The following PHF24 variants were observed in gnomAD, a reference collection of about 807,000 sequenced individuals.
PHF24 encodes the protein Galpha inhibitory interacting protein.
PHF24 carries 25 observed loss-of-function variants against 42.6 expected under a neutral mutation model. That is an observed-to-expected ratio of 0.59 (90% CI 0.43 to 0.82). PHF24 has a LOEUF of 0.82. Ranked by LOEUF, PHF24 falls within the 40% of genes least tolerant of loss-of-function variation. The pLI, the probability that PHF24 is intolerant of heterozygous loss-of-function variation, is 0.00. For missense variants in PHF24, 470 were observed against 538.1 expected (o/e 0.87, Z 1.25); for synonymous variants, 185 against 204.8 (o/e 0.90, Z 0.83).
the PHF24 span, among the ~76,000 whole-genome samples, chr9:34,875,944 ACACACACTCTCTCT>A: frequency 1.3e-4 from 11 of 85,588 alleles, no homozygotes; most frequent in African/African-American, 4.1e-4. Flanking sequence ...ACACACACAC[ACACACACTCTCTCT>A]CTCTCTCTCT....
chr9:34,940,600 A>T, the PHF24 span, among the ~76,000 whole-genome samples: 1 of 152,162 alleles, frequency 6.6e-6, no homozygotes, highest in Admixed American at 6.5e-5. Flanking sequence ...AAAAAATAAA[A>T]TAAGTTCCCT....
At chr9:34,823,020 C>T in the PHF24 span, among the ~76,000 whole-genome samples, 1 of 150,958 alleles carries the variant, frequency 6.6e-6, no homozygotes, top group Non-Finnish European at 1.5e-5. Context: ...CAAGGTGAAA[C>T]CCCGTCTCTA....
rs574704463 is a variant in PHF24, at chr9:34,962,744, T to A, written c.-5+4343T>A. On this transcript the variant is annotated intron_variant, in intron 1 of 7. Coordinates refer to ENST00000242315, the Ensembl canonical transcript of PHF24. ...TGCAGTCTCACCAGCCAATCACTGA[T>A]GGTGTGATGTTCCTTAACTGTTGCT... 1.0e-3 allele frequency among the ~76,000 whole-genome samples: 158 copies of A among 152,346 alleles called. 1 individual carries two copies. The highest frequency in any genetic ancestry group is 2.0e-3 in the Non-Finnish European group (134 of 68,034).
chr9:34,976,127 C>T (rs771618128), intron 3 of PHF24, 25 bp from the exon 4 acceptor site: 23 of 1,588,370 alleles, frequency 1.4e-5, no homozygotes, highest in South Asian at 8.8e-5. Flanking sequence ...GTATGGCCAC[C>T]GACTCAGCTC....
chr9:34,817,593 A>G, the PHF24 span, among the ~76,000 whole-genome samples: 1 of 152,092 alleles, frequency 6.6e-6, no homozygotes, highest in African/African-American at 2.4e-5. Flanking sequence ...AGGTCTTTAT[A>G]TATTCTGAAT....
the PHF24 span, among the ~76,000 whole-genome samples, chr9:34,825,723 G>A: frequency 1.3e-5 from 2 of 151,836 alleles, no homozygotes; most frequent in Non-Finnish European, 2.9e-5. Flanking sequence ...TGACATGTTT[G>A]TGCTTACTCT....
chr9:34,976,862 T>G, intron 5 of PHF24, 122 bp downstream of exon 5: 1 of 943,024 alleles, frequency 1.1e-6, no homozygotes, highest in South Asian at 1.6e-5. Flanking sequence ...AGGAATGGGC[T>G]CAGGTTCCAT....
intron 1 of PHF24, among the ~76,000 whole-genome samples, chr9:34,962,922 C>A (rs1326814201): frequency 6.6e-6 from 1 of 152,200 alleles, no homozygotes; most frequent in Non-Finnish European, 1.5e-5. Context: ...TAGTCTTGAG[C>A]TGAGGCCAGA....
chr9:34,746,862 G>A, the PHF24 span, among the ~76,000 whole-genome samples: 3 of 151,846 alleles, frequency 2.0e-5, no homozygotes, highest in Non-Finnish European at 4.4e-5. Flanking sequence ...GTTGCTTTAG[G>A]GTGGTCAAAC....
chr9:34,968,166 C>T (rs1278406991), intron 1 of PHF24, among the ~76,000 whole-genome samples: 2 of 152,082 alleles, frequency 1.3e-5, no homozygotes, highest in Non-Finnish European at 1.5e-5. Flanking sequence ...AGTATCTTTC[C>T]CACCAATAAA....
the PHF24 span, chr9:34,889,361 T>G: frequency 1.0e-5 from 4 of 398,618 alleles, 1 homozygote; most frequent in East Asian, 1.4e-4. Context: ...TAGAGCAGAT[T>G]ATTTAGGCAC....
the PHF24 span, chr9:34,832,669 T>C: frequency 1.9e-6 from 3 of 1,541,054 alleles, no homozygotes; most frequent in Non-Finnish European, 2.6e-6. Flanking sequence ...ATTTTATTTC[T>C]GAAGCTAGAC....
At chr9:34,944,473 C>G in the PHF24 span, among the ~76,000 whole-genome samples, 2 of 152,194 alleles carry the variant, frequency 1.3e-5, no homozygotes, top group African/African-American at 4.8e-5. Flanking sequence ...GGGTAGAGCC[C>G]CTGAGAGGGC....
chr9:34,936,663 G>A, the PHF24 span, among the ~76,000 whole-genome samples: 3 of 151,646 alleles, frequency 2.0e-5, no homozygotes, highest in African/African-American at 7.3e-5. Context: ...TAGGAAGTGA[G>A]GAGCGTCTCT....
In PHF24 at chr9:34,976,246, G is replaced by T. The variant is rs747721392; in HGVS notation, c.643+16G>T. 1.8e-5 allele frequency: 29 copies of T among 1,606,538 alleles called. 1 individual carries two copies. The South Asian group carries it at 2.9e-4, about 16-fold the overall frequency. On this transcript the variant is annotated intron_variant, in intron 4 of 7. Transcript: ENST00000242315. ...GTCATCCCTGGTAAGGTTGGGTGGT[G>T]CTGCATGGATGGAGAGGGGCCGGGC...
the PHF24 span, among the ~76,000 whole-genome samples, chr9:34,801,633 A>C: frequency 6.6e-6 from 1 of 152,222 alleles, no homozygotes; most frequent in Middle Eastern, 3.4e-3. Context: ...AGGCTGAAGC[A>C]GGAGAATGGC....
the PHF24 span, among the ~76,000 whole-genome samples, chr9:34,690,506 G>C: frequency 6.6e-6 from 1 of 150,602 alleles, no homozygotes; most frequent in East Asian, 2.0e-4. Context: ...CTGGTATTCA[G>C]CCATTATGCA....
At chr9:34,724,843 G>A in the PHF24 span, 716 of 1,548,858 alleles carry the variant, frequency 4.6e-4, 3 homozygotes, top group African/African-American at 9.2e-3. Context: ...CCGGGGCCAG[G>A]GCCCTGGGGA....
chr9:34,788,157 C>A, the PHF24 span, among the ~76,000 whole-genome samples: 1 of 152,136 alleles, frequency 6.6e-6, no homozygotes, highest in Non-Finnish European at 1.5e-5. Context: ...CCTGCCGCAG[C>A]CTCCTGAGTA....
Sources: allele counts gnomAD v4.1 joint callset (sites outside exome capture counted in the v4.1 genomes callset), GRCh38; gene constraint gnomAD v4.1.1; transcripts MANE v1.5; gene names NCBI Gene and HGNC (gene_info 2026-07-23, HGNC 2026-07-21).